URB1: variants seen among roughly 807,000 people sequenced by gnomAD.
URB1 encodes the protein nucleolar pre-ribosomal-associated protein 1.
Under a neutral mutation model 242.3 loss-of-function variants are expected in URB1, and 197 were observed. That is an observed-to-expected ratio of 0.81 (90% CI 0.72 to 0.91). The LOEUF (loss-of-function observed/expected upper bound fraction) is 0.91. Ranked by LOEUF, URB1 falls within the 40% of genes least tolerant of loss-of-function variation. URB1 has a pLI of 0.00. For missense variants in URB1, 2,721 were observed against 2,860.5 expected, an observed-to-expected ratio of 0.95 and a Z score of 1.11; for synonymous variants, 1,153 against 1,201.8, an observed-to-expected ratio of 0.96 and a Z score of 0.84.
At chr21:32,333,445 C>A in intron 29 of URB1, 26 bp from the exon 30 acceptor site, 1 of 1,525,842 alleles carries the variant, frequency 6.6e-7, no homozygotes. Flanking sequence ...TCAACAAAAA[C>A]GTGTGATTCA....
In URB1 at chr21:32,373,756, T is replaced by C. The variant is rs1431557840; in HGVS notation, c.767A>G (p.Asn256Ser). The C allele has an allele frequency of 1.3e-6, 2 of 1,542,480 alleles. No individual in the cohort carries two copies. The highest frequency in any genetic ancestry group is 8.7e-7 in the Non-Finnish European group (1 of 1,144,126). ...TLKTKVVHNK[N>S]ITKTQKVRFF... ...ACGCACCTTCTGGGTTTTTGTGATATTTTTATTGTGAACTACCTGAAACAA... is the reference window on the plus strand; with the variant it reads ...ACGCACCTTCTGGGTTTTTGTGATACTTTTATTGTGAACTACCTGAAACAA... Residue 256 changes from asparagine to serine, a missense_variant, in exon 7 of 39, where the codon AAT becomes AGT. Physicochemically the swap from Asn to Ser is conservative, Grantham distance 46 (BLOSUM62 1). Transcript: ENST00000382751.
Position 32,347,691 on chromosome 21 carries a change from C to A in URB1, c.3133G>T (p.Ala1045Ser). 2 of 1,551,360 alleles carry A rather than the reference C, an allele frequency of 1.3e-6. No individual in the cohort carries two copies. The highest frequency in any genetic ancestry group is 1.7e-6 in the Non-Finnish European group (2 of 1,147,002). ...AGGACCCCTGCACTAAAGTGGGTGGCCAGGAGCTTCACGAGGACAGGGCTG... is the reference window on the plus strand; with the variant it reads ...AGGACCCCTGCACTAAAGTGGGTGGACAGGAGCTTCACGAGGACAGGGCTG... ...TLSPVLVKLL[A>S]THFSAGVLQL... Residue 1045 changes from alanine to serine, a missense_variant, in exon 22 of 39, where the codon GCC becomes TCC. Transcript: ENST00000382751.
chr21:32,325,791 C>T (rs557245824), intron 30 of URB1, among the ~76,000 whole-genome samples: 8 of 152,274 alleles, frequency 5.3e-5, no homozygotes, highest in East Asian at 1.9e-4. Context: ...CCCTCCACCG[C>T]GGGCGCCTGT....
At position 32,392,979 on chromosome 21, in the gene URB1, C is replaced by A. The variant is rs968770287; in HGVS notation, c.-69G>T. 5 of 1,421,664 alleles carry A rather than the reference C, an allele frequency of 3.5e-6. No homozygotes were observed. The highest frequency in any genetic ancestry group is 2.8e-6 in the Non-Finnish European group (3 of 1,088,236). 88.1% of individuals were successfully genotyped at this position (1,421,664 alleles called of 1,614,324 possible). On this transcript the variant is annotated 5_prime_UTR_variant, in exon 1 of 39. Transcript: ENST00000382751. ...GACCCGGCAGGAGCACTGGCACAGA[C>A]AGCAGACACGCGCTTCAGGCCCACA... is the stretch of plus-strand genomic sequence containing the variant.
chr21:32,340,277 T>A (rs2033013889), intron 25 of URB1, among the ~76,000 whole-genome samples: 1 of 152,088 alleles, frequency 6.6e-6, no homozygotes. Flanking sequence ...TCAGGAAGGA[T>A]GTTAAGGGAA....
rs150837100 is a variant in URB1 at position 32,381,830 on chromosome 21, G to A, written c.567+1592C>T. Reference sequence around the variant, plus strand: ...GAGGAAACTGAAAAGGTGGAGGGTGGGGACAGTGGCTGAAGCTGGACAGCT... The same window carrying A: ...GAGGAAACTGAAAAGGTGGAGGGTGAGGACAGTGGCTGAAGCTGGACAGCT... On this transcript the variant is annotated intron_variant, in intron 4 of 38. Coordinates refer to ENST00000382751, the MANE Select transcript of URB1 (RefSeq NM_014825.3). Among the ~76,000 whole-genome samples the A allele has an allele frequency of 6.6e-3, 1,002 of 152,294 alleles. 12 individuals carry two copies. Among genetic ancestry groups the A allele is most frequent in the African/African-American group, 0.022 (915 of 41,558 alleles).
Position 32,330,355 on chromosome 21 carries a change from T to A in URB1, c.4960+2962A>T, listed in dbSNP as rs996075485. Among the ~76,000 whole-genome samples the A allele has an allele frequency of 3.9e-5, 6 of 152,184 alleles. No individual in the cohort carries two copies. In the Middle Eastern group the frequency reaches 0.01, roughly 259 times the overall value. On this transcript the variant is annotated intron_variant, in intron 30 of 38. Coordinates refer to ENST00000382751, the MANE Select transcript of URB1 (RefSeq NM_014825.3). ...GGCAAGCTCTGCAAATTTTTCTACCTGTATTAAACCAATAAAACTTAAATA... is the reference window on the plus strand; with the variant it reads ...GGCAAGCTCTGCAAATTTTTCTACCAGTATTAAACCAATAAAACTTAAATA...
In URB1 at chr21:32,361,130, A is replaced by C; in HGVS notation, c.1640-7T>G. ...AGAATGGTTTCTGCATCATCTGCAC[A>C]AAAAAAAGAAAAAGAAAGAAAAAGA... On this transcript the variant is annotated splice_polypyrimidine_tract_variant and splice_region_variant and intron_variant, in intron 12 of 38. Coordinates refer to ENST00000382751, the MANE Select transcript of URB1 (RefSeq NM_014825.3). 7.0e-7 allele frequency: 1 copy of C among 1,428,566 alleles called. No homozygotes were observed. Among genetic ancestry groups the C allele is most frequent in the Non-Finnish European group, 9.4e-7 (1 of 1,063,696 alleles). 88.5% of individuals were successfully genotyped at this position (1,428,566 alleles called of 1,614,324 possible).
Position 32,350,716 on chromosome 21 carries a change from C to T in URB1, c.2820G>A (p.Glu940=). 6.4e-7 allele frequency: 1 copy of T among 1,551,310 alleles called. No homozygotes were observed. Among genetic ancestry groups the T allele is most frequent in the Non-Finnish European group, 8.7e-7 (1 of 1,146,880 alleles). The change falls in exon 20 of 39, where the codon GAG becomes GAA. Residue 940 remains glutamate, a synonymous_variant. Transcript: ENST00000382751. ...GGGCAACGCTGACCTGGCCGAAGTT[C>T]TCCACAGTGCTCCGCAGGTAGAGCA... ...QVLLYLRSTV[E]NFGQLGRSVG... is the part of the protein sequence containing the mutation.
In URB1 at chr21:32,316,058, C is replaced by A. The variant is rs192646295; in HGVS notation, c.6634+408G>T. On this transcript the variant is annotated intron_variant, in intron 38 of 38. Coordinates refer to ENST00000382751, the MANE Select transcript of URB1 (RefSeq NM_014825.3). ...GCATGTGAAGCTCTATGTGCACACACACGCGCATGCACATGCACATGCGCA... is the reference window on the plus strand; with the variant it reads ...GCATGTGAAGCTCTATGTGCACACAAACGCGCATGCACATGCACATGCGCA... Among the ~76,000 whole-genome samples the A allele has an allele frequency of 1.1e-4, 17 of 152,342 alleles. No individual in the cohort carries two copies. In the East Asian group the frequency reaches 3.3e-3, roughly 29 times the overall value.
At chr21:32,366,945 C>G (rs116098221) in intron 9 of URB1, among the ~76,000 whole-genome samples, 190 bp from the exon 10 acceptor site, 2,680 of 152,290 alleles carry the variant, frequency 0.018, 84 homozygotes, top group African/African-American at 0.061. Flanking sequence ...GGTCAGGAGA[C>G]TGGCTGTTAA....
chr21:32,334,651 A>T (rs1045096506), intron 28 of URB1, among the ~76,000 whole-genome samples: 1 of 152,156 alleles, frequency 6.6e-6, no homozygotes, highest in Non-Finnish European at 1.5e-5. Flanking sequence ...TACTATTATT[A>T]TACCCCTTGT....
rs2032642938 is a variant in URB1 at position 32,314,312 on chromosome 21, G to A, written c.*606C>T. The A allele has an allele frequency of 9.4e-6, 4 of 423,378 alleles. No homozygotes were observed. Among genetic ancestry groups the A allele is most frequent in the Non-Finnish European group, 1.8e-5 (4 of 225,054 alleles). The allele number at this position is 423,378 out of a possible 1,614,324, so 26.2% of individuals were successfully genotyped here. On this transcript the variant is annotated 3_prime_UTR_variant, in exon 39 of 39. Coordinates refer to ENST00000382751, the MANE Select transcript of URB1 (RefSeq NM_014825.3). ...CGATTCCCCTGCCTTAGCCTCCCGA[G>A]TAGCTGGAATTACAGGTGTGCGCTA... is the stretch of plus-strand genomic sequence containing the variant.
intron 7 of URB1, 134 bp from the exon 8 acceptor site, chr21:32,372,765 AACAATAAATG>A: frequency 9.6e-7 from 1 of 1,043,616 alleles, no homozygotes. Context: ...TGTCATTCCA[AACAATAAATG>A]AAAACAACAA....
intron 1 of URB1, among the ~76,000 whole-genome samples, chr21:32,390,227 T>C (rs995349591): frequency 1.3e-5 from 2 of 152,250 alleles, no homozygotes; most frequent in Non-Finnish European, 2.9e-5. Context: ...ATGTAGCACC[T>C]GAATGTCATG....
At chr21:32,390,734 T>C (rs1456425857) in intron 1 of URB1, among the ~76,000 whole-genome samples, 1 of 152,164 alleles carries the variant, frequency 6.6e-6, no homozygotes, top group East Asian at 1.9e-4. Flanking sequence ...CTGGAGAGGA[T>C]GTGGAGAAAT....
chr21:32,319,447 AC>A (rs1177047714), intron 35 of URB1, 33 bp from the exon 36 acceptor site: 1 of 1,474,712 alleles, frequency 6.8e-7, no homozygotes, highest in Admixed American at 2.6e-5. Context: ...TCAATCCGCC[AC>A]ATCCTGACCT....
intron 11 of URB1, 88 bp from the exon 12 acceptor site, chr21:32,362,109 CA>C: frequency 6.7e-7 from 1 of 1,482,908 alleles, no homozygotes; most frequent in South Asian, 1.3e-5. Context: ...ATGCAAAAAA[CA>C]GGGAGGGGGG....
Position 32,324,547 on chromosome 21 carries a change from A to T in URB1, c.5177T>A (p.Leu1726His), listed in dbSNP as rs1356151820. ...AATGAAGAGAGCCAAGGTAAAAGTA[A>T]GTCTCATGTCCTGAGTTCGAATCCC... ...RNGIRTQDMR[L>H]TFTLALFIAK... Residue 1726 changes from leucine to histidine, a missense_variant, in exon 32 of 39, where the codon CTT becomes CAT. Coordinates refer to ENST00000382751, the MANE Select transcript of URB1 (RefSeq NM_014825.3). 9 of 1,551,784 alleles carry T rather than the reference A, an allele frequency of 5.8e-6. No homozygotes were observed. Among genetic ancestry groups the T allele is most frequent in the Admixed American group, 2.0e-5 (1 of 50,998 alleles).
Sources: gnomAD v4.1 joint callset for allele counts (sites outside exome capture counted in the v4.1 genomes callset) on GRCh38, gnomAD v4.1.1 for gene constraint, MANE v1.5 for transcripts, NCBI Gene and HGNC (gene_info 2026-07-23, HGNC 2026-07-21) for gene names.